The following ELP2 variants were observed in gnomAD, a reference collection of about 807,000 sequenced individuals.
The protein encoded by ELP2 is elongator acetyltransferase complex subunit 2.
Under a neutral mutation model 119.2 loss-of-function variants are expected in ELP2, and 90 were observed. The ratio of observed to expected loss-of-function variants is 0.75; its 90% CI spans 0.64 to 0.90. The LOEUF (loss-of-function observed/expected upper bound fraction) is 0.90, where lower values mean the gene tolerates loss of function less well. Ranked by LOEUF, ELP2 falls within the 40% of genes least tolerant of loss-of-function variation. ELP2 has a pLI of 0.00. For synonymous variants in ELP2, 339 were observed against 331.0 expected, an observed-to-expected ratio of 1.02 and a Z score of -0.26; for missense variants, 921 against 967.8, an observed-to-expected ratio of 0.95 and a Z score of 0.64.
intron 16 of ELP2, 134 bp from the exon 17 acceptor site, chr18:36,160,798 C>A (rs1214082295): frequency 9.1e-6 from 6 of 657,410 alleles, no homozygotes; most frequent in Non-Finnish European, 1.6e-5. Flanking sequence ...TTTGCCTAGA[C>A]AAACATACAA....
In ELP2 at chr18:36,145,288, C is replaced by T. The variant is rs553974264; in HGVS notation, c.892+254C>T. 4.2e-4 allele frequency: 185 copies of T among 441,332 alleles called. No individual in the cohort carries two copies. The Middle Eastern group carries it at 0.011, about 25-fold the overall frequency. The allele number at this position is 441,332 out of a possible 1,614,324, so 27.3% of individuals were successfully genotyped here. A position where few individuals can be genotyped will look rare whatever the true frequency, so the allele number is the denominator to read the frequency against. ...TACCACACCCCCAGTAACTTTTTATCTTAAAAGTTTCCACTTGATTATTAT... is the reference window on the plus strand; with the variant it reads ...TACCACACCCCCAGTAACTTTTTATTTTAAAAGTTTCCACTTGATTATTAT... On this transcript the variant is annotated intron_variant, in intron 9 of 21. Coordinates refer to ENST00000358232, the MANE Select transcript of ELP2 (RefSeq NM_018255.4).
chr18:36,159,876 TATG>T, intron 15 of ELP2, 46 bp downstream of exon 15: 1 of 1,601,192 alleles, frequency 6.2e-7, no homozygotes. Flanking sequence ...GAACACACAG[TATG>T]TTATCTATTG....
rs949560859 is a variant in ELP2 at position 36,156,615 on chromosome 18, T to C, written c.1425T>C (p.Cys475=). Reference sequence around the variant, plus strand: ...CTCGGAATTTTGTGGAAAATTTTTGTGCCATTACAGGACAATCACTGAATC... The same window carrying C: ...CTCGGAATTTTGTGGAAAATTTTTGCGCCATTACAGGACAATCACTGAATC... The part of the protein sequence containing the change: ...SAPRNFVENF[C]AITGQSLNHV... The change falls in exon 13 of 22, where the codon TGT becomes TGC. Residue 475 remains cysteine (C), a synonymous_variant. Transcript: ENST00000358232. The C allele has an allele frequency of 3.1e-6, 5 of 1,614,162 alleles. No individual in the cohort carries two copies. Among genetic ancestry groups the C allele is most frequent in the Non-Finnish European group, 4.2e-6 (5 of 1,180,014 alleles).
At chr18:36,141,795 A>G (rs1348972228) in intron 6 of ELP2, among the ~76,000 whole-genome samples, 4 of 151,580 alleles carry the variant, frequency 2.6e-5, no homozygotes, top group South Asian at 2.1e-4. Flanking sequence ...GGGTGAAGCA[A>G]TCCTCCTGCC....
At chr18:36,160,595 CTT>C (rs2090707300) in intron 16 of ELP2, among the ~76,000 whole-genome samples, 1 of 141,340 alleles carries the variant, frequency 7.1e-6, no homozygotes, top group Non-Finnish European at 1.6e-5. Context: ...AAAAAAAAGA[CTT>C]AAGTTTTGTT....
rs2091275602 is a variant in ELP2, at chr18:36,178,746, C to T, written c.*4105C>T. 6.7e-6 allele frequency: 1 copy of T among 149,060 alleles called. No individual in the cohort carries two copies. The highest frequency in any genetic ancestry group is 1.5e-5 in the Non-Finnish European group (1 of 67,590). The allele number at this position is 149,060 out of a possible 1,614,324, so 9.2% of individuals were successfully genotyped here. A position where few individuals can be genotyped will look rare whatever the true frequency, so the allele number is the denominator to read the frequency against. Reference sequence around the variant, plus strand: ...GTTTAAGAAAAAAAAAAAAAAAGTTCTCTTGAATCATAATTTCAGTATTTA... The same window carrying T: ...GTTTAAGAAAAAAAAAAAAAAAGTTTTCTTGAATCATAATTTCAGTATTTA... On this transcript the variant is annotated 3_prime_UTR_variant, in exon 22 of 22. Transcript: ENST00000358232.
At position 36,146,395 on chromosome 18, in the gene ELP2, G is replaced by A. The variant is rs371737330; in HGVS notation, c.1125+14G>A. 149 of 1,613,098 alleles carry A rather than the reference G, an allele frequency of 9.2e-5. No individual in the cohort carries two copies. The highest frequency in any genetic ancestry group is 1.2e-4 in the Non-Finnish European group (144 of 1,179,286). On this transcript the variant is annotated intron_variant, in intron 11 of 21. Coordinates refer to ENST00000358232, the MANE Select transcript of ELP2 (RefSeq NM_018255.4). Reference sequence around the variant, plus strand: ...ACAGTTAACCCAGTAAGAAAAGAGTGTTTAAATAAAGCATTTCTAATCAAA... The same window carrying A: ...ACAGTTAACCCAGTAAGAAAAGAGTATTTAAATAAAGCATTTCTAATCAAA...
At chr18:36,157,974 A>G (rs144976913) in intron 13 of ELP2, among the ~76,000 whole-genome samples, 65 of 152,324 alleles carry the variant, frequency 4.3e-4, no homozygotes, top group Middle Eastern at 3.4e-3. Flanking sequence ...CCTAAGATAC[A>G]GGGATCCTGT....
At chr18:36,138,637 A>G in intron 4 of ELP2, 158 bp from the exon 5 acceptor site, 1 of 871,026 alleles carries the variant, frequency 1.1e-6, no homozygotes, top group Non-Finnish European at 1.8e-6. Flanking sequence ...ACATCATTAA[A>G]ATTTGGCCAT....
intron 18 of ELP2, 98 bp from the exon 19 acceptor site, chr18:36,167,003 T>C: frequency 8.0e-7 from 1 of 1,255,282 alleles, no homozygotes; most frequent in South Asian, 1.8e-5. Context: ...AATTGAATAT[T>C]AAGTCATATG....
intron 12 of ELP2, among the ~76,000 whole-genome samples, chr18:36,155,364 A>G (rs550607925): frequency 1.3e-5 from 2 of 151,630 alleles, no homozygotes; most frequent in African/African-American, 4.8e-5. Context: ...ACATCCATGA[A>G]CACAAGAAAA....
At chr18:36,134,148 A>C (rs1012450264) in intron 2 of ELP2, among the ~76,000 whole-genome samples, 1 of 152,078 alleles carries the variant, frequency 6.6e-6, no homozygotes, top group African/African-American at 2.4e-5. Context: ...TTTTTTAGGC[A>C]AGACATTGCA....
chr18:36,136,524 C>A, intron 3 of ELP2, 147 bp downstream of exon 3: 1 of 711,628 alleles, frequency 1.4e-6, no homozygotes, highest in Admixed American at 2.1e-5. Flanking sequence ...ACTACAGGTG[C>A]CTGACACCAT....
In ELP2 at chr18:36,166,936, C is replaced by G. The variant is rs961229317; in HGVS notation, c.1955-165C>G. On this transcript the variant is annotated intron_variant, in intron 18 of 21. Transcript: ENST00000358232. The stretch of plus-strand genomic sequence containing the variant: ...CTAGAAAAATAGCTGTGTCCACAGC[C>G]TTCTGGTGAGGGGTTGGTTGCCTGG... 7.2e-6 allele frequency: 4 copies of G among 556,806 alleles called. No individual in the cohort carries two copies. The African/African-American group carries it at 7.7e-5, about 11-fold the overall frequency. 34.5% of individuals were successfully genotyped at this position (556,806 alleles called of 1,614,324 possible).
At chr18:36,166,532 A>T (rs1037147356) in intron 18 of ELP2, among the ~76,000 whole-genome samples, 31 of 151,552 alleles carry the variant, frequency 2.0e-4, no homozygotes, top group Middle Eastern at 3.4e-3. Context: ...GGGTTTCATC[A>T]TGTTGGGCAG....
chr18:36,153,525 T>C (rs2090468557), intron 11 of ELP2, among the ~76,000 whole-genome samples: 1 of 152,160 alleles, frequency 6.6e-6, no homozygotes, highest in Admixed American at 6.5e-5. Flanking sequence ...CTGGGTGTTC[T>C]CTAATTCAGT....
chr18:36,165,833 G>A (rs537924518), intron 18 of ELP2, among the ~76,000 whole-genome samples: 3 of 152,218 alleles, frequency 2.0e-5, no homozygotes, highest in South Asian at 2.1e-4. Flanking sequence ...AGTGAGCCAA[G>A]ATGATGCCAT....
chr18:36,147,437 C>T (rs139428831), intron 11 of ELP2, among the ~76,000 whole-genome samples: 14 of 126,800 alleles, frequency 1.1e-4, no homozygotes, highest in East Asian at 4.3e-4. Flanking sequence ...GTTTTGAGAC[C>T]GAGTTTTGCT....
intron 21 of ELP2, among the ~76,000 whole-genome samples, chr18:36,173,987 C>T (rs977087772): frequency 2.6e-5 from 4 of 152,132 alleles, no homozygotes; most frequent in Non-Finnish European, 4.4e-5. Flanking sequence ...GACCAAGACT[C>T]TTTCATTGTG....
Sources: allele counts gnomAD v4.1 joint callset (sites outside exome capture counted in the v4.1 genomes callset), GRCh38; gene constraint gnomAD v4.1.1; transcripts MANE v1.5; gene names NCBI Gene and HGNC (gene_info 2026-07-23, HGNC 2026-07-21).